Variants in PRR5L observed in about 807,000 individuals in gnomAD.
The protein encoded by PRR5L is proline rich 5 like, also known as proline-rich protein 5-like.
PRR5L carries 21 observed loss-of-function variants against 36.4 expected under a neutral mutation model. The ratio of observed to expected loss-of-function variants is 0.58; its 90% confidence interval spans 0.41 to 0.83. The LOEUF (loss-of-function observed/expected upper bound fraction) is 0.83. Among genes scored for constraint, PRR5L ranks in the 40% least tolerant of loss-of-function variants. PRR5L has a pLI of 0.00. For synonymous variants in PRR5L, 188 were observed against 197.0 expected (o/e 0.95, Z 0.38); for missense variants, 381 against 473.3 (o/e 0.80, Z 1.81).
intron 1 of PRR5L, among the ~76,000 whole-genome samples, chr11:36,373,582 G>C (rs1857218801): frequency 6.8e-6 from 1 of 146,614 alleles, no homozygotes; most frequent in Non-Finnish European, 1.5e-5. Flanking sequence ...CTAGGCGAGA[G>C]AGCAAGACTC....
At chr11:36,460,341 C>T (rs992222503) in intron 8 of PRR5L, among the ~76,000 whole-genome samples, 15 of 152,124 alleles carry the variant, frequency 9.9e-5, no homozygotes, top group Admixed American at 2.6e-4. Context: ...GGCCAGGACC[C>T]GGCGCTGGGT....
At chr11:36,385,602 C>T (rs1857442560) in intron 1 of PRR5L, among the ~76,000 whole-genome samples, 1 of 152,238 alleles carries the variant, frequency 6.6e-6, no homozygotes, top group African/African-American at 2.4e-5. Flanking sequence ...CTTCTCTCTG[C>T]ACTCGGTTTC....
Position 36,401,201 on chromosome 11 carries a change from T to TGAGCTCCCCC in PRR5L, c.82_91dup (p.Val31GlufsTer61), listed in dbSNP as rs1180007000. 8 of 1,613,946 alleles carry TGAGCTCCCCC rather than the reference T, an allele frequency of 5.0e-6. No homozygotes were observed. Among genetic ancestry groups the TGAGCTCCCCC allele is most frequent in the Non-Finnish European group, 4.2e-6 (5 of 1,180,008 alleles). On this transcript the variant is annotated frameshift_variant, in exon 2 of 9. Coordinates refer to ENST00000530639, the MANE Select transcript of PRR5L (RefSeq NM_001160167.2). LOFTEE classifies it high-confidence loss of function. ...TTCCGCAGGCCTAGACCGCGCTTCATGAGCTCCCCCGTGCTCAGCGACCTT... is the reference window on the plus strand; with the variant it reads ...TTCCGCAGGCCTAGACCGCGCTTCATGAGCTCCCCCGAGCTCCCCCGTGCTCAGCGACCTT...
chr11:36,368,084 C>T (rs917273598), intron 1 of PRR5L, among the ~76,000 whole-genome samples: 1 of 151,150 alleles, frequency 6.6e-6, no homozygotes, highest in African/African-American at 2.4e-5. Context: ...AAGTGGCTGC[C>T]GTAGATTGGA....
intron 2 of PRR5L, 63 bp from the exon 3 acceptor site, chr11:36,403,235 C>A: frequency 7.0e-7 from 1 of 1,422,142 alleles, no homozygotes; most frequent in Non-Finnish European, 9.9e-7. Flanking sequence ...CAGCCCTGAG[C>A]TGCTATTGAA....
At chr11:36,331,761 G>A (rs1856721727) in intron 1 of PRR5L, among the ~76,000 whole-genome samples, 1 of 152,262 alleles carries the variant, frequency 6.6e-6, no homozygotes, top group East Asian at 1.9e-4. Context: ...AAAGAGATTA[G>A]CAAGAGAAAA....
intron 1 of PRR5L, among the ~76,000 whole-genome samples, chr11:36,399,723 G>A (rs1279228527): frequency 6.6e-6 from 1 of 152,174 alleles, no homozygotes; most frequent in Non-Finnish European, 1.5e-5. Context: ...GTTTCCTTTT[G>A]TCCTTCACTC....
chr11:36,457,496 C>T (rs1294309974), intron 8 of PRR5L, among the ~76,000 whole-genome samples: 21 of 152,038 alleles, frequency 1.4e-4, no homozygotes, highest in Admixed American at 1.4e-3. Context: ...GTCCCAGCTA[C>T]TCTGGAGGCT....
chr11:36,336,588 T>C (rs1197267548), intron 1 of PRR5L, among the ~76,000 whole-genome samples: 1 of 151,212 alleles, frequency 6.6e-6, no homozygotes, highest in African/African-American at 2.4e-5. Flanking sequence ...CAGGGATTTT[T>C]CTGTGTTGCT....
At chr11:36,312,814 A>T (rs1856517667) in intron 1 of PRR5L, among the ~76,000 whole-genome samples, 1 of 152,244 alleles carries the variant, frequency 6.6e-6, no homozygotes. Flanking sequence ...AGTTTGAGTC[A>T]TCTTTGTGGT....
chr11:36,406,885 G>T (rs1239279821), intron 3 of PRR5L, among the ~76,000 whole-genome samples: 1 of 152,182 alleles, frequency 6.6e-6, no homozygotes, highest in East Asian at 1.9e-4. Context: ...TGGATTCAGA[G>T]AGACCAGGGA....
In PRR5L at chr11:36,385,243, G is replaced by A. The variant is rs114816750; in HGVS notation, c.-125-15754G>A. On this transcript the variant is annotated intron_variant, in intron 1 of 8. Coordinates refer to ENST00000530639, the MANE Select transcript of PRR5L (RefSeq NM_001160167.2). ...CTTTTTGGCTTACCATCTGGTAGGC[G>A]CTGCAGAATCACTCTGGATGACATT... is the stretch of plus-strand genomic sequence containing the variant. Among the ~76,000 whole-genome samples the A allele has an allele frequency of 5.0e-3, 765 of 152,218 alleles. 1 individual carries two copies. The highest frequency in any genetic ancestry group is 0.017 in the African/African-American group (689 of 41,518).
chr11:36,320,410 ATT>A (rs11295715), intron 1 of PRR5L, among the ~76,000 whole-genome samples: 1 of 151,702 alleles, frequency 6.6e-6, no homozygotes, highest in Middle Eastern at 3.4e-3. Context: ...CACGCAGCTA[ATT>A]TTTTTTTATG....
At chr11:36,383,945 C>T (rs1260107219) in intron 1 of PRR5L, among the ~76,000 whole-genome samples, 2 of 152,140 alleles carry the variant, frequency 1.3e-5, no homozygotes, top group Non-Finnish European at 2.9e-5. Flanking sequence ...ATCTGCCCGC[C>T]TCGGCCTCCC....
chr11:36,391,830 A>G (rs953476348), intron 1 of PRR5L, among the ~76,000 whole-genome samples: 12 of 152,200 alleles, frequency 7.9e-5, no homozygotes, highest in African/African-American at 2.7e-4. Context: ...TGTGTTACAA[A>G]CATTCCAATT....
chr11:36,380,389 G>A (rs963395973), intron 1 of PRR5L: 2 of 151,982 alleles, frequency 1.3e-5, no homozygotes, highest in Admixed American at 6.6e-5. Flanking sequence ...TCTGCTGCCC[G>A]GTGTTGGCTT....
rs187465240 is a variant in PRR5L, at chr11:36,377,232, C to T, written c.-125-23765C>T. Among the ~76,000 whole-genome samples, 1,525 of 152,312 alleles carry T rather than the reference C, an allele frequency of 0.01. 22 individuals are homozygous for T. The highest frequency in any genetic ancestry group is 0.038 in the Admixed American group (580 of 15,308). On this transcript the variant is annotated intron_variant, in intron 1 of 8. Transcript: ENST00000530639. The surrounding 1 kb of genome is among the most constrained non-coding windows in gnomAD (Gnocchi z 5.1). ...GGCAGGGCAGGGAGCCACTTTGTCC[C>T]GTGCGCTGCTGCACGCGCGCGCTCT...
chr11:36,433,669 C>T (rs1019155780), intron 5 of PRR5L, among the ~76,000 whole-genome samples: 3 of 152,186 alleles, frequency 2.0e-5, no homozygotes, highest in African/African-American at 4.8e-5. Flanking sequence ...CATGCCTCAG[C>T]CTCTTGAATA....
At chr11:36,387,801 A>G (rs1440167681) in intron 1 of PRR5L, among the ~76,000 whole-genome samples, 1 of 152,224 alleles carries the variant, frequency 6.6e-6, no homozygotes, top group African/African-American at 2.4e-5. Context: ...TGGAGGCTGT[A>G]GCTGTGATGG....
Sources: gnomAD v4.1 joint callset for allele counts (sites outside exome capture counted in the v4.1 genomes callset) on GRCh38, gnomAD v4.1.1 for gene constraint, Gnocchi (gnomAD v3.1) non-coding constraint, MANE v1.5 for transcripts, NCBI Gene and HGNC (gene_info 2026-07-23, HGNC 2026-07-21) for gene names.